Variants in ABR observed in about 807,000 individuals in gnomAD.
The protein encoded by ABR is ABR activator of RhoGEF and GTPase.
In ABR, 35 loss-of-function variants were observed where a neutral mutation model predicts 107.2. The observed-to-expected ratio is 0.33, with a 90% CI of 0.25 to 0.43. The LOEUF is 0.43. ABR is among the 20% of genes least tolerant of loss of function. The pLI is 1.00. For missense variants in ABR, 815 were observed against 1,115.2 expected (o/e 0.73, Z 3.83); for synonymous variants, 498 against 462.0 (o/e 1.08, Z -1.00).
chr17:1,138,673 C>T (rs2040175493), intron 1 of ABR, among the ~76,000 whole-genome samples: 1 of 152,012 alleles, frequency 6.6e-6, no homozygotes, highest in South Asian at 2.1e-4. Context: ...GACACAGGGT[C>T]TTGCTATGTG....
intron 1 of ABR, among the ~76,000 whole-genome samples, chr17:1,222,345 G>A (rs952760924): frequency 6.6e-6 from 1 of 152,030 alleles, no homozygotes; most frequent in Non-Finnish European, 1.5e-5. Context: ...GATTACAGGC[G>A]TACGTGAGCC....
At chr17:1,181,747 A>G (rs935881628), upstream of ABR, 1 of 152,192 alleles carries the variant, frequency 6.6e-6, no homozygotes, top group African/African-American at 2.4e-5. Context: ...AGCCCAGGGG[A>G]AAGGTGGAAA....
chr17:1,152,565 T>G (rs1396032422), intron 1 of ABR, among the ~76,000 whole-genome samples: 2 of 151,118 alleles, frequency 1.3e-5, no homozygotes, highest in African/African-American at 4.9e-5. Flanking sequence ...CACTCCAGCC[T>G]GGAGAACAAG....
At chr17:1,021,922 G>C (rs997061244) in intron 16 of ABR, among the ~76,000 whole-genome samples, 16 of 151,826 alleles carry the variant, frequency 1.1e-4, no homozygotes, top group African/African-American at 3.9e-4. Context: ...ACTCTGGGAG[G>C]CAGAGGCGGG....
Position 1,148,349 on chromosome 17 carries a change from C to A in ABR, c.62-22982G>T, listed in dbSNP as rs2040640992. 1.3e-5 allele frequency among the ~76,000 whole-genome samples: 2 copies of A among 152,312 alleles called. No homozygotes were observed. Among genetic ancestry groups the A allele is most frequent in the South Asian group, 4.1e-4 (2 of 4,826 alleles). ...GAAGCTGGTCACAGAAAGGCAAATA[C>A]CACATGATTCCACTCGGATGAGGTG... On this transcript the variant is annotated intron_variant, in intron 1 of 22. Coordinates refer to ENST00000302538, the MANE Select transcript of ABR (RefSeq NM_021962.5). This position sits in a 1 kb window ranked among gnomAD's most constrained non-coding sequence, Gnocchi z 4.9.
At position 1,005,801 on chromosome 17, in the gene ABR, CAA is replaced by C; in HGVS notation, c.*277_*278del. 2.0e-6 allele frequency: 1 copy of C among 498,700 alleles called. No homozygotes were observed. Among genetic ancestry groups the C allele is most frequent in the Non-Finnish European group, 3.6e-6 (1 of 277,028 alleles). 30.9% of individuals were successfully genotyped at this position (498,700 alleles called of 1,614,324 possible). A position where few individuals can be genotyped will look rare whatever the true frequency, so the allele number is the denominator to read the frequency against. ...GCCGGTCACTACCTTTTCTGCCTGA[CAA>C]GTGTACATAAAACAATTCCCGAACA... is the stretch of plus-strand genomic sequence containing the variant. On this transcript the variant is annotated 3_prime_UTR_variant, in exon 23 of 23. Coordinates refer to ENST00000302538, the MANE Select transcript of ABR (RefSeq NM_021962.5).
At chr17:1,130,170 G>C (rs973528835) in intron 1 of ABR, among the ~76,000 whole-genome samples, 1 of 152,140 alleles carries the variant, frequency 6.6e-6, no homozygotes, top group Non-Finnish European at 1.5e-5. Context: ...GTACTCGCCA[G>C]CTTCCATCAA....
chr17:1,122,837 G>A (rs1021396628), intron 2 of ABR, among the ~76,000 whole-genome samples: 1 of 152,126 alleles, frequency 6.6e-6, no homozygotes, highest in African/African-American at 2.4e-5. Context: ...CTCAACCTTG[G>A]GCTTCCCGTT....
intron 1 of ABR, among the ~76,000 whole-genome samples, chr17:1,149,322 G>A (rs2040701259): frequency 6.6e-6 from 1 of 152,118 alleles, no homozygotes; most frequent in African/African-American, 2.4e-5. Flanking sequence ...AGGCCAGGGG[G>A]CTGAACCAGG....
chr17:1,031,622 C>T, intron 16 of ABR: 1 of 1,245,562 alleles, frequency 8.0e-7, no homozygotes, highest in East Asian at 3.2e-5. Context: ...GCTTGTTGCG[C>T]ACGCGGCCCC....
chr17:1,046,111 T>TC (rs1236769615), intron 16 of ABR, among the ~76,000 whole-genome samples: 2 of 150,680 alleles, frequency 1.3e-5, no homozygotes, highest in Admixed American at 1.3e-4. Context: ...CCTCAGGTGA[T>TC]CCCCCCGCCC....
chr17:1,226,650 G>T lies in ABR; in HGVS notation c.838+2143C>A, dbSNP rs541680586. ...TGTATGTACATGTGAAGGTGTGAAT[G>T]TGTGCATGTATGTATGTGACAGTAT... On this transcript the variant is annotated intron_variant, in intron 1 of 22. Transcript: ENST00000574139. Among the ~76,000 whole-genome samples the T allele has an allele frequency of 1.4e-4, 21 of 151,668 alleles. No homozygotes were observed. The South Asian group carries it at 4.4e-3, about 32-fold the overall frequency.
upstream of ABR, among the ~76,000 whole-genome samples, chr17:1,180,889 G>T (rs1356630190): frequency 6.6e-6 from 1 of 152,238 alleles, no homozygotes; most frequent in East Asian, 1.9e-4. Flanking sequence ...CGACCCTGGA[G>T]CAGGGAAGGA....
chr17:1,108,949 G>T, intron 2 of ABR: 1 of 1,595,086 alleles, frequency 6.3e-7, no homozygotes, highest in Non-Finnish European at 8.5e-7. Flanking sequence ...CAGCCACCAG[G>T]AAGGGGGACC....
rs2040415847 is a variant in ABR, at chr17:1,143,787, G to GAC, written c.62-18422_62-18421dup. On this transcript the variant is annotated intron_variant, in intron 1 of 22. Coordinates refer to ENST00000302538, the MANE Select transcript of ABR (RefSeq NM_021962.5). ...TGAGACAAAGGAATCATAGTTCTTG[G>GAC]ACATCAAGGGCAGAGGCTGAGGCCC... Among the ~76,000 whole-genome samples, 6 of 152,260 alleles carry GAC rather than the reference G, an allele frequency of 3.9e-5. No homozygotes were observed. In the South Asian group the frequency reaches 1.0e-3, roughly 26 times the overall value.
At chr17:1,068,593 G>A (rs566872732) in intron 9 of ABR, among the ~76,000 whole-genome samples, 1 of 152,394 alleles carries the variant, frequency 6.6e-6, no homozygotes, top group African/African-American at 2.4e-5. Flanking sequence ...ATCACTAAGT[G>A]TGGGTGGAAG....
intron 1 of ABR, among the ~76,000 whole-genome samples, chr17:1,144,536 A>G (rs950981156): frequency 1.3e-5 from 2 of 151,836 alleles, no homozygotes; most frequent in Non-Finnish European, 2.9e-5. Context: ...GTGACAAGAG[A>G]TACCAGATAA....
Position 1,078,501 on chromosome 17 carries a change from C to G in ABR, c.700+829G>C, listed in dbSNP as rs896022604. Among the ~76,000 whole-genome samples, 3 of 152,086 alleles carry G rather than the reference C, an allele frequency of 2.0e-5. No individual in the cohort carries two copies. Among genetic ancestry groups the G allele is most frequent in the African/African-American group, 4.8e-5 (2 of 41,420 alleles). On this transcript the variant is annotated intron_variant, in intron 6 of 22. Coordinates refer to ENST00000302538, the MANE Select transcript of ABR (RefSeq NM_021962.5). The surrounding 1 kb of genome is among the most constrained non-coding windows in gnomAD (Gnocchi z 7.5). ...GGCTACTACGTCTGCGGGCACAGCT[C>G]GTCGCCGTCTCTCCCTAACAGCCCC...
intron 1 of ABR, among the ~76,000 whole-genome samples, chr17:1,144,225 C>A (rs920223931): frequency 8.5e-5 from 13 of 152,074 alleles, no homozygotes; most frequent in African/African-American, 3.1e-4. Flanking sequence ...GCAGACGGGC[C>A]GTATAACCTT....
Sources: allele counts gnomAD v4.1 joint callset (sites outside exome capture counted in the v4.1 genomes callset), GRCh38; gene constraint gnomAD v4.1.1; non-coding constraint Gnocchi (gnomAD v3.1); transcripts MANE v1.5; gene names NCBI Gene and HGNC (gene_info 2026-07-23, HGNC 2026-07-21).